Variants in CACNA2D1 observed in about 807,000 individuals in gnomAD.
CACNA2D1 encodes voltage-dependent calcium channel subunit alpha-2/delta-1.
CACNA2D1 carries 53 observed loss-of-function variants against 171.5 expected under a neutral mutation model. The ratio of observed to expected loss-of-function variants is 0.31; its 90% CI spans 0.25 to 0.39. The LOEUF (loss-of-function observed/expected upper bound fraction) is 0.39. Ranked by LOEUF, CACNA2D1 falls within the 10% of genes least tolerant of loss-of-function variation. The pLI, the probability that CACNA2D1 is intolerant of heterozygous loss-of-function variation, is 1.00. For missense variants in CACNA2D1, 903 were observed against 1,299.8 expected, an observed-to-expected ratio of 0.69 and a Z score of 4.69; for synonymous variants, 442 against 443.1, an observed-to-expected ratio of 1.00 and a Z score of 0.03.
intron 10 of CACNA2D1, chr7:82,050,629 C>A: frequency 1.4e-6 from 1 of 702,706 alleles, no homozygotes. Context: ...CTTTACTATC[C>A]TGGAATGCAA....
At chr7:81,963,438 A>G (rs1671544788) in intron 34 of CACNA2D1, among the ~76,000 whole-genome samples, 1 of 151,920 alleles carries the variant, frequency 6.6e-6, no homozygotes, top group African/African-American at 2.4e-5. Context: ...CAACTAAACA[A>G]TGAGAAATGT....
chr7:82,066,437 C>T lies in CACNA2D1; in HGVS notation c.728+18G>A, dbSNP rs751621980. 14 of 1,609,412 alleles carry T rather than the reference C, an allele frequency of 8.7e-6. No individual in the cohort carries two copies. The East Asian group carries it at 2.9e-4, about 34-fold the overall frequency. On this transcript the variant is annotated intron_variant, in intron 8 of 38. Coordinates refer to ENST00000356860, the MANE Select transcript of CACNA2D1 (RefSeq NM_000722.4). ...TCTTGCCTATTTTATCTTTTCATGG[C>T]TAGCTAAAAATTCTTACCATGGTCT...
chr7:82,015,110 C>T (rs37137), intron 12 of CACNA2D1, among the ~76,000 whole-genome samples: 3,100 of 152,196 alleles, frequency 0.02, 97 homozygotes, highest in African/African-American at 0.069. Context: ...GAGGTCCAAC[C>T]TCACTTCACC....
intron 3 of CACNA2D1, among the ~76,000 whole-genome samples, chr7:82,256,084 C>A (rs1169718597): frequency 1.3e-5 from 2 of 152,118 alleles, no homozygotes; most frequent in Non-Finnish European, 2.9e-5. Context: ...CGAGACTAGC[C>A]TGGCCAACAT....
intron 5 of CACNA2D1, among the ~76,000 whole-genome samples, chr7:82,127,906 T>C (rs79829545): frequency 0.023 from 3,427 of 152,088 alleles, 69 homozygotes; most frequent in Non-Finnish European, 0.03. Flanking sequence ...TATACCTGCA[T>C]AGTTTGTTTT....
chr7:82,287,945 C>G (rs923512442), intron 3 of CACNA2D1, among the ~76,000 whole-genome samples: 3 of 151,856 alleles, frequency 2.0e-5, no homozygotes, highest in Non-Finnish European at 4.4e-5. Context: ...ATTCTCCTGC[C>G]TCAGCCTCCC....
intron 3 of CACNA2D1, among the ~76,000 whole-genome samples, chr7:82,224,661 G>A (rs1248775680): frequency 6.6e-6 from 1 of 152,186 alleles, no homozygotes; most frequent in Non-Finnish European, 1.5e-5. Flanking sequence ...GGTCTGAGGA[G>A]ATGTAGCTCC....
At chr7:82,443,829 C>A, upstream of CACNA2D1, 1 of 425,168 alleles carries the variant, frequency 2.4e-6, no homozygotes, top group Non-Finnish European at 3.2e-6. Context: ...GAGGCGAAGG[C>A]GGAGGCGGGG....
At chr7:81,975,389 T>G (rs540946852) in intron 24 of CACNA2D1, among the ~76,000 whole-genome samples, 9 of 152,286 alleles carry the variant, frequency 5.9e-5, no homozygotes, top group Admixed American at 5.9e-4. Context: ...GCAAATTATC[T>G]TTAATTCCTG....
intron 11 of CACNA2D1, among the ~76,000 whole-genome samples, chr7:82,037,306 C>T (rs1643918951): frequency 1.3e-5 from 2 of 152,072 alleles, no homozygotes; most frequent in African/African-American, 4.8e-5. Context: ...TGGTGAAACC[C>T]CGTCTCTACT....
chr7:81,989,312 A>G (rs1038830282), intron 21 of CACNA2D1, among the ~76,000 whole-genome samples: 1 of 152,150 alleles, frequency 6.6e-6, no homozygotes, highest in African/African-American at 2.4e-5. Context: ...GAGGTAGCAA[A>G]TTTACTGGTG....
chr7:82,305,531 C>G (rs553758209), intron 3 of CACNA2D1, among the ~76,000 whole-genome samples: 4 of 152,256 alleles, frequency 2.6e-5, no homozygotes, highest in African/African-American at 9.6e-5. Context: ...TTTCTCAGAG[C>G]TGCTACCTGT....
At chr7:82,349,353 G>T (rs899614903) in intron 2 of CACNA2D1, among the ~76,000 whole-genome samples, 1 of 152,112 alleles carries the variant, frequency 6.6e-6, no homozygotes, top group Admixed American at 6.5e-5. Flanking sequence ...CGTATCAACT[G>T]CAAAGTGTGC....
At chr7:82,112,659 A>G (rs1234237549) in intron 6 of CACNA2D1, among the ~76,000 whole-genome samples, 3 of 152,230 alleles carry the variant, frequency 2.0e-5, no homozygotes, top group Non-Finnish European at 4.4e-5. Flanking sequence ...TGTTAAAGGT[A>G]TACTACCCAC....
At chr7:82,367,933 T>C (rs1563439209) in intron 1 of CACNA2D1, among the ~76,000 whole-genome samples, 1 of 151,870 alleles carries the variant, frequency 6.6e-6, no homozygotes, top group Non-Finnish European at 1.5e-5. Flanking sequence ...AATTTGTATA[T>C]AAAATGTCCA....
chr7:82,421,011 A>G (rs547801976), intron 1 of CACNA2D1, among the ~76,000 whole-genome samples: 107 of 152,256 alleles, frequency 7.0e-4, no homozygotes, highest in South Asian at 6.2e-3. Flanking sequence ...GGTATCTACA[A>G]TTTTATTAAA....
At chr7:82,060,295 G>A (rs1806693145) in intron 10 of CACNA2D1, 133 bp downstream of exon 10, 2 of 507,542 alleles carry the variant, frequency 3.9e-6, no homozygotes, top group African/African-American at 2.1e-5. Flanking sequence ...AAATAGGACA[G>A]GTCAGTAAGA....
intron 3 of CACNA2D1, among the ~76,000 whole-genome samples, chr7:82,285,685 C>T (rs1027220235): frequency 1.3e-5 from 2 of 151,998 alleles, no homozygotes; most frequent in African/African-American, 2.4e-5. Context: ...CATATATGAA[C>T]GCATGGGACA....
chr7:82,192,987 A>G (rs769665816), intron 3 of CACNA2D1, among the ~76,000 whole-genome samples: 1 of 151,802 alleles, frequency 6.6e-6, no homozygotes, highest in Non-Finnish European at 1.5e-5. Flanking sequence ...TCTTGAAAGC[A>G]TCAGTTAAAC....
Sources: gnomAD v4.1 joint callset for allele counts (sites outside exome capture counted in the v4.1 genomes callset) on GRCh38, gnomAD v4.1.1 for gene constraint, MANE v1.5 for transcripts, NCBI Gene and HGNC (gene_info 2026-07-23, HGNC 2026-07-21) for gene names.